Variants in TNR observed in about 807,000 individuals in gnomAD.
TNR encodes tenascin R.
Under a neutral mutation model 150.4 loss-of-function variants are expected in TNR, and 45 were observed. The observed-to-expected ratio is 0.30, with a 90% confidence interval of 0.24 to 0.38. The LOEUF is 0.38. Ranked by LOEUF, TNR falls within the 10% of genes least tolerant of loss-of-function variation. The pLI is 1.00. For missense variants in TNR, 1,544 were observed against 1,759.1 expected, an observed-to-expected ratio of 0.88 and a Z score of 2.19; for synonymous variants, 687 against 678.4, an observed-to-expected ratio of 1.01 and a Z score of -0.20.
intron 2 of TNR, among the ~76,000 whole-genome samples, chr1:175,412,766 G>C (rs1654266140): frequency 6.6e-6 from 1 of 152,172 alleles, no homozygotes; most frequent in South Asian, 2.1e-4. Flanking sequence ...AAAGAAGATA[G>C]AATGAATGGC....
intron 1 of TNR, among the ~76,000 whole-genome samples, chr1:175,674,959 GA>G (rs1280416164): frequency 6.6e-6 from 1 of 152,114 alleles, no homozygotes; most frequent in East Asian, 1.9e-4. Flanking sequence ...TGGGAGTGCA[GA>G]AAAAAAGAAG....
intron 1 of TNR, among the ~76,000 whole-genome samples, chr1:175,726,945 G>A (rs75212814): frequency 1.3e-5 from 2 of 152,232 alleles, no homozygotes; most frequent in African/African-American, 4.8e-5. Flanking sequence ...GAGCCCCAAT[G>A]TGGCATGTAA....
chr1:175,402,313 C>CAAA (rs149037374), intron 4 of TNR, among the ~76,000 whole-genome samples: 159 of 41,244 alleles, frequency 3.9e-3, no homozygotes, highest in Middle Eastern at 0.014. Context: ...GACTCCGTCT[C>CAAA]AAAAAAAAAA....
At chr1:175,551,488 G>A (rs749192020) in intron 1 of TNR, among the ~76,000 whole-genome samples, 1 of 152,314 alleles carries the variant, frequency 6.6e-6, no homozygotes, top group East Asian at 1.9e-4. Context: ...AAGGAAAAGG[G>A]TTACTGGGGT....
chr1:175,491,930 G>A (rs1658278068), intron 2 of TNR, among the ~76,000 whole-genome samples: 1 of 150,838 alleles, frequency 6.6e-6, no homozygotes, highest in South Asian at 2.1e-4. Context: ...ATTACAGCGT[G>A]AGCCACCACG....
chr1:175,484,359 CTG>C (rs1223875132), intron 2 of TNR, among the ~76,000 whole-genome samples: 1 of 152,182 alleles, frequency 6.6e-6, no homozygotes, highest in Non-Finnish European at 1.5e-5. Flanking sequence ...GTGATTCTTG[CTG>C]TGTTTCTGCT....
chr1:175,550,983 AG>A (rs1660915478), intron 1 of TNR, among the ~76,000 whole-genome samples: 1 of 152,200 alleles, frequency 6.6e-6, no homozygotes, highest in South Asian at 2.1e-4. Flanking sequence ...GATAGAAAAT[AG>A]GAAAGAAAAG....
chr1:175,497,174 CT>C (rs1658523392), intron 2 of TNR, among the ~76,000 whole-genome samples: 1 of 152,178 alleles, frequency 6.6e-6, no homozygotes. Flanking sequence ...TACTTACAAC[CT>C]GATTTTCCAG....
At chr1:175,700,076 C>A (rs978499722) in intron 1 of TNR, among the ~76,000 whole-genome samples, 61 of 151,456 alleles carry the variant, frequency 4.0e-4, no homozygotes, top group Non-Finnish European at 7.2e-4. Flanking sequence ...CACCATGACC[C>A]CAAGCGAAGG....
chr1:175,375,932 T>C (rs1441166587), intron 9 of TNR, among the ~76,000 whole-genome samples: 1 of 152,218 alleles, frequency 6.6e-6, no homozygotes, highest in Non-Finnish European at 1.5e-5. Context: ...ATAGGATGTC[T>C]TTTAGATGAG....
In TNR at chr1:175,452,273, G is replaced by T. The variant is rs764270882; in HGVS notation, c.-63-45496C>A. Among the ~76,000 whole-genome samples, 5 of 152,234 alleles carry T rather than the reference G, an allele frequency of 3.3e-5. 1 individual carries two copies. Among genetic ancestry groups the T allele is most frequent in the Non-Finnish European group, 1.5e-5 (1 of 68,042 alleles). ...TGCAGGCACTGTTCTGGGCTCTGAG[G>T]CTCAGCAGTGAACAAAGCGCCCTGC... On this transcript the variant is annotated intron_variant, in intron 2 of 22. Transcript: ENST00000367674.
At chr1:175,343,554 GTTTA>G (rs1376114372) in intron 18 of TNR, among the ~76,000 whole-genome samples, 1 of 152,114 alleles carries the variant, frequency 6.6e-6, no homozygotes, top group Non-Finnish European at 1.5e-5. Context: ...CCATTACTCT[GTTTA>G]TTTATTTACT....
At chr1:175,343,942 T>C (rs558234641) in intron 18 of TNR, among the ~76,000 whole-genome samples, 1 of 152,296 alleles carries the variant, frequency 6.6e-6, no homozygotes, top group East Asian at 1.9e-4. Context: ...GTTTTTGGCG[T>C]TTTTGAACAA....
chr1:175,623,691 C>T (rs1258913435), intron 1 of TNR, among the ~76,000 whole-genome samples: 3 of 152,242 alleles, frequency 2.0e-5, no homozygotes, highest in African/African-American at 4.8e-5. Context: ...GCCAACTCCT[C>T]TTTGCAGAGA....
rs530721663 is a variant in TNR at position 175,642,326 on chromosome 1, C to A, written c.-165+100900G>T. Among the ~76,000 whole-genome samples the A allele has an allele frequency of 3.3e-5, 5 of 152,212 alleles. No individual in the cohort carries two copies. The South Asian group carries it at 1.0e-3, about 32-fold the overall frequency. ...ACTTAGGAAATAGCATATGCAAAAG[C>A]TAGGAAGCATGAAACTGTAGGAAAC... On this transcript the variant is annotated intron_variant, in intron 1 of 22. Coordinates refer to ENST00000367674, the MANE Select transcript of TNR (RefSeq NM_003285.3).
intron 2 of TNR, among the ~76,000 whole-genome samples, chr1:175,501,259 T>C (rs1333992245): frequency 6.6e-6 from 1 of 152,096 alleles, no homozygotes; most frequent in African/African-American, 2.4e-5. Context: ...AGCCAAAATA[T>C]AAAAAATAAT....
At chr1:175,503,369 T>A (rs1215347680) in intron 2 of TNR, among the ~76,000 whole-genome samples, 2 of 152,192 alleles carry the variant, frequency 1.3e-5, no homozygotes, top group Non-Finnish European at 2.9e-5. Flanking sequence ...ATGGAAGGAA[T>A]CAATATATTT....
intron 1 of TNR, among the ~76,000 whole-genome samples, chr1:175,586,331 C>A (rs577367962): frequency 6.6e-6 from 1 of 152,098 alleles, no homozygotes. Context: ...GTTACTTCTA[C>A]CCCCTTCTCT....
intron 1 of TNR, among the ~76,000 whole-genome samples, chr1:175,704,878 C>T (rs2101930081): frequency 6.6e-6 from 1 of 152,280 alleles, no homozygotes; most frequent in South Asian, 2.1e-4. Flanking sequence ...TCAACGGCTC[C>T]CTTCTTTTTC....
Sources: gnomAD v4.1 joint callset for allele counts (sites outside exome capture counted in the v4.1 genomes callset) on GRCh38, gnomAD v4.1.1 for gene constraint, MANE v1.5 for transcripts, NCBI Gene and HGNC (gene_info 2026-07-23, HGNC 2026-07-21) for gene names.